The following CHTF8 variants were observed in gnomAD, a reference collection of about 807,000 sequenced individuals.
The protein encoded by CHTF8 is chromosome transmission fidelity protein 8 homolog.
Under a neutral mutation model 11.0 loss-of-function variants are expected in CHTF8, and 6 were observed. The ratio of observed to expected loss-of-function variants is 0.55; its 90% confidence interval spans 0.30 to 1.08. CHTF8 has a LOEUF of 1.08. Ranked by LOEUF, CHTF8 falls within the 50% of genes least tolerant of loss-of-function variation. The probability of loss-of-function intolerance (pLI) is 0.07; values close to 1 mark genes in which losing one functional copy is unlikely to be tolerated. For missense variants in CHTF8, 140 were observed against 153.1 expected (o/e 0.91, Z 0.45); for synonymous variants, 53 against 60.5 (o/e 0.88, Z 0.57).
rs1961569870 is a variant in CHTF8 at position 69,120,520 on chromosome 16, C to T, written c.271G>A (p.Gly91Ser). The change falls in exon 4 of 4, where the codon GGC becomes AGC. Residue 91 changes from glycine to serine, a missense_variant. Transcript: ENST00000448552. The surrounding 1 kb of genome is among the most constrained non-coding windows in gnomAD (Gnocchi z 4.0). ...QDCDELGRET[G>S]TRYLVTALIK... ...AGTGCTGTCACCAGGTACCGGGTGC[C>T]AGTCTCGCGGCCAAGCTCATCACAG... 1 of 1,614,134 alleles carries T rather than the reference C, an allele frequency of 6.2e-7. No homozygotes were observed.
At chr16:69,124,923 A>G (rs1201169501) in intron 1 of CHTF8, among the ~76,000 whole-genome samples, 1 of 150,208 alleles carries the variant, frequency 6.7e-6, no homozygotes, top group African/African-American at 2.5e-5. Context: ...ACTTTTTTTG[A>G]GACAGAGTTT....
At position 69,132,573 on chromosome 16, in the gene CHTF8, C is replaced by A. The variant is rs982772427; in HGVS notation, c.-125G>T. On this transcript the variant is annotated 5_prime_UTR_variant, in exon 1 of 4. It adds an upstream start codon to the 5' untranslated region. Transcript: ENST00000448552. ...CCGTCGCCGCCGCCGCGAGCACTGC[C>A]TGCGCACTTCCGACTATGCGCCAGG... is the stretch of plus-strand genomic sequence containing the variant. 1.5e-5 allele frequency: 6 copies of A among 404,134 alleles called. No homozygotes were observed. The highest frequency in any genetic ancestry group is 2.9e-5 in the Non-Finnish European group (6 of 205,014). The allele number at this position is 404,134 out of a possible 1,614,324, so 25.0% of individuals were successfully genotyped here.
intron 1 of CHTF8, among the ~76,000 whole-genome samples, chr16:69,121,730 C>T (rs370291280): frequency 1.3e-5 from 2 of 150,530 alleles, no homozygotes; most frequent in Non-Finnish European, 3.0e-5. Flanking sequence ...TGCAATGGCA[C>T]GATCTCAGCT....
chr16:69,128,884 T>A (rs1207149446), intron 1 of CHTF8, among the ~76,000 whole-genome samples: 1 of 151,882 alleles, frequency 6.6e-6, no homozygotes, highest in Admixed American at 6.6e-5. Context: ...ACCAACATGG[T>A]GAAACCCAGT....
rs1261901237 is a variant in CHTF8, at chr16:69,118,351, C to G, written c.*2074G>C. 1.9e-6 allele frequency: 3 copies of G among 1,581,746 alleles called. No homozygotes were observed. The highest frequency in any genetic ancestry group is 1.7e-5 in the Admixed American group (1 of 59,942). ...GTTGTCCATCTCCCTGTTCTGTGTT[C>G]AAGCCCCCAGGGAAAGGTATGGCAG... On this transcript the variant is annotated 3_prime_UTR_variant, in exon 4 of 4. Transcript: ENST00000448552.
chr16:69,124,914 CTT>C (rs573373718), intron 1 of CHTF8, among the ~76,000 whole-genome samples: 1 of 151,070 alleles, frequency 6.6e-6, no homozygotes, highest in African/African-American at 2.4e-5. Context: ...ACTCACTAGA[CTT>C]TTTTTGAGAC....
intron 1 of CHTF8, among the ~76,000 whole-genome samples, chr16:69,121,919 T>C (rs573898580): frequency 2.0e-5 from 3 of 152,292 alleles, no homozygotes; most frequent in East Asian, 1.9e-4. Context: ...TCCACCCACC[T>C]TGGCCTCCCA....
In CHTF8 at chr16:69,118,739, A is replaced by G. The variant is rs762134855; in HGVS notation, c.*1686T>C. The G allele has an allele frequency of 3.1e-6, 2 of 639,232 alleles. No homozygotes were observed. The highest frequency in any genetic ancestry group is 1.8e-5 in the African/African-American group (1 of 55,008). 39.6% of individuals were successfully genotyped at this position (639,232 alleles called of 1,614,324 possible). On this transcript the variant is annotated 3_prime_UTR_variant, in exon 4 of 4. Transcript: ENST00000448552. ...GAAAAAGATGGCTCATTTGAACTTG[A>G]GCCCAAGCTATGTTCTTCAGACTGT...
Position 69,119,032 on chromosome 16 carries a change from C to T in CHTF8, c.*1393G>A, listed in dbSNP as rs1466312200. On this transcript the variant is annotated 3_prime_UTR_variant, in exon 4 of 4. Transcript: ENST00000448552. Reference sequence around the variant, plus strand: ...GTTGAGACCCAGGGTCCCAGTTGGCCTTGTGAAAGGAGCTGGGTTGATACC... The same window carrying T: ...GTTGAGACCCAGGGTCCCAGTTGGCTTTGTGAAAGGAGCTGGGTTGATACC... 3 of 702,938 alleles carry T rather than the reference C, an allele frequency of 4.3e-6. No homozygotes were observed. Among genetic ancestry groups the T allele is most frequent in the Non-Finnish European group, 7.8e-6 (3 of 385,032 alleles). 43.5% of individuals were successfully genotyped at this position (702,938 alleles called of 1,614,324 possible). A position where few individuals can be genotyped will look rare whatever the true frequency, so the allele number is the denominator to read the frequency against.
At position 69,121,462 on chromosome 16, in the gene CHTF8, C is replaced by T. The variant is rs766667272; in HGVS notation, c.-4G>A. The T allele has an allele frequency of 3.1e-6, 5 of 1,600,206 alleles. No individual in the cohort carries two copies. The highest frequency in any genetic ancestry group is 1.4e-5 in the African/African-American group (1 of 73,952). On this transcript the variant is annotated 5_prime_UTR_variant, in exon 2 of 4. Coordinates refer to ENST00000448552, the MANE Select transcript of CHTF8 (RefSeq NM_001039690.5). ...TGGAAATAACAATTTGCACCATGAG[C>T]TTTCTGTCTTTAAAAAGCAAGTGAA...
intron 1 of CHTF8, among the ~76,000 whole-genome samples, chr16:69,124,848 T>C (rs1961940501): frequency 6.6e-6 from 1 of 152,156 alleles, no homozygotes; most frequent in Non-Finnish European, 1.5e-5. Flanking sequence ...TCTGCAGCCT[T>C]ATAGTATGAC....
chr16:69,118,121 T>TCCCCCCCC lies in CHTF8; in HGVS notation c.*2303_*2304insGGGGGGGG. 4.3e-6 allele frequency: 2 copies of TCCCCCCCC among 462,568 alleles called. No homozygotes were observed. The highest frequency in any genetic ancestry group is 3.9e-6 in the Non-Finnish European group (1 of 255,618). The allele number at this position is 462,568 out of a possible 1,614,324, so 28.7% of individuals were successfully genotyped here. ...AAAGCACAGTGATTTCTTCCCTTCATCCCCCACCCCCACCCTAATTCCCAT... is the reference window on the plus strand; with the variant it reads ...AAAGCACAGTGATTTCTTCCCTTCATCCCCCCCCCCCCCACCCCCACCCTAATTCCCAT... On this transcript the variant is annotated 3_prime_UTR_variant, in exon 4 of 4. Coordinates refer to ENST00000448552, the MANE Select transcript of CHTF8 (RefSeq NM_001039690.5).
chr16:69,122,364 TC>T (rs1243580362), intron 1 of CHTF8, among the ~76,000 whole-genome samples: 4 of 150,014 alleles, frequency 2.7e-5, no homozygotes, highest in African/African-American at 7.4e-5. Flanking sequence ...TTAAGGATAT[TC>T]TTTTTTTTTT....
At position 69,121,418 on chromosome 16, in the gene CHTF8, A is replaced by T; in HGVS notation, c.23+18T>A. ...TCATCATTTCAAGCCAAATTTTAAA[A>T]TCTCAAAATGTACTTACCTGGAAAT... On this transcript the variant is annotated intron_variant, in intron 2 of 3. Coordinates refer to ENST00000448552, the MANE Select transcript of CHTF8 (RefSeq NM_001039690.5). The T allele has an allele frequency of 6.3e-7, 1 of 1,597,778 alleles. No individual in the cohort carries two copies. The highest frequency in any genetic ancestry group is 1.1e-5 in the South Asian group (1 of 87,934).
chr16:69,128,607 TTTTTTCCCCTCAAAAAGGCAC>T (rs1962261769), intron 1 of CHTF8, among the ~76,000 whole-genome samples: 1 of 152,146 alleles, frequency 6.6e-6, no homozygotes, highest in Non-Finnish European at 1.5e-5. Flanking sequence ...TAAAGGAAAC[TTTTTTCCCCTCAAAAAGGCAC>T]CAGCATTCAA....
chr16:69,125,954 GT>G (rs943339221), intron 1 of CHTF8, among the ~76,000 whole-genome samples: 13 of 152,268 alleles, frequency 8.5e-5, no homozygotes, highest in Non-Finnish European at 1.6e-4. Context: ...GATGAACTAA[GT>G]TTTTTGAGAC....
At chr16:69,126,361 C>G (rs115072398) in intron 1 of CHTF8, among the ~76,000 whole-genome samples, 1 of 152,138 alleles carries the variant, frequency 6.6e-6, no homozygotes, top group Non-Finnish European at 1.5e-5. Context: ...ACAATGGTGT[C>G]GAAAACACAT....
Position 69,131,803 on chromosome 16 carries a change from G to A in CHTF8, c.-36+681C>T, listed in dbSNP as rs949616244. Among the ~76,000 whole-genome samples, 13 of 151,312 alleles carry A rather than the reference G, an allele frequency of 8.6e-5. No homozygotes were observed. In the East Asian group the frequency reaches 2.6e-3, roughly 30 times the overall value. On this transcript the variant is annotated intron_variant, in intron 1 of 3. Coordinates refer to ENST00000448552, the MANE Select transcript of CHTF8 (RefSeq NM_001039690.5). Reference sequence around the variant, plus strand: ...TCTCCAAATTGTTCCCGGTTCTCAAGTACTCCACTCCTCCAGGACCCCACC... The same window carrying A: ...TCTCCAAATTGTTCCCGGTTCTCAAATACTCCACTCCTCCAGGACCCCACC...
chr16:69,129,782 G>A (rs900182949), intron 1 of CHTF8, among the ~76,000 whole-genome samples: 5 of 152,070 alleles, frequency 3.3e-5, no homozygotes, highest in African/African-American at 9.7e-5. Flanking sequence ...TATTAGCCTC[G>A]TTCTCACAGC....
Sources: allele counts gnomAD v4.1 joint callset (sites outside exome capture counted in the v4.1 genomes callset), GRCh38; gene constraint gnomAD v4.1.1; non-coding constraint Gnocchi (gnomAD v3.1); transcripts MANE v1.5; gene names NCBI Gene and HGNC (gene_info 2026-07-23, HGNC 2026-07-21).